The following BICDL1 variants were observed in gnomAD, a reference collection of about 807,000 sequenced individuals.
BICDL1 encodes the protein BICD family like cargo adaptor 1, also known as BICD family-like cargo adapter 1.
BICDL1 carries 20 observed loss-of-function variants against 76.8 expected under a neutral mutation model. The ratio of observed to expected loss-of-function variants is 0.26; its 90% CI spans 0.18 to 0.38. BICDL1 has a LOEUF of 0.38. Among genes scored for constraint, BICDL1 ranks in the 10% least tolerant of loss-of-function variants. BICDL1 has a pLI of 1.00. For synonymous variants in BICDL1, 383 were observed against 337.1 expected, an observed-to-expected ratio of 1.14 and a Z score of -1.49; for missense variants, 700 against 798.6, an observed-to-expected ratio of 0.88 and a Z score of 1.49.
chr12:120,071,916 AG>A lies in BICDL1; in HGVS notation c.1089+116del. ...AAGGCTGTGCCCCTGTGCCTGTGTC[AG>A]CCCCTTGGCCTGCTGGCTAGAGTGT... is the stretch of plus-strand genomic sequence containing the variant. On this transcript the variant is annotated intron_variant, in intron 5 of 9. Coordinates refer to ENST00000548673, the MANE Select transcript of BICDL1 (RefSeq NM_001367886.1). This position sits in a 1 kb window ranked among gnomAD's most constrained non-coding sequence, Gnocchi z 4.8. 7.1e-7 allele frequency: 1 copy of A among 1,415,156 alleles called. No individual in the cohort carries two copies. Among genetic ancestry groups the A allele is most frequent in the Non-Finnish European group, 9.2e-7 (1 of 1,086,634 alleles). 87.7% of individuals were successfully genotyped at this position (1,415,156 alleles called of 1,614,324 possible).
intron 2 of BICDL1, among the ~76,000 whole-genome samples, chr12:120,011,986 C>T (rs1056000469): frequency 6.6e-6 from 1 of 152,196 alleles, no homozygotes; most frequent in Non-Finnish European, 1.5e-5. Flanking sequence ...CTCTAAATGT[C>T]CACATGTACG....
rs987757739 is a variant in BICDL1 at position 120,093,290 on chromosome 12, C to T, written c.*129C>T. On this transcript the variant is annotated 3_prime_UTR_variant, in exon 10 of 10. Coordinates refer to ENST00000548673, the MANE Select transcript of BICDL1 (RefSeq NM_001367886.1). ...CCCTCATGCTAGGGCCCCATGGGTCCGGGAGGGCCTGCTCCCTTTCGTCGG... is the reference window on the plus strand; with the variant it reads ...CCCTCATGCTAGGGCCCCATGGGTCTGGGAGGGCCTGCTCCCTTTCGTCGG... 121 of 1,091,178 alleles carry T rather than the reference C, an allele frequency of 1.1e-4. 1 individual carries two copies. The East Asian group carries it at 1.3e-3, about 12-fold the overall frequency. 67.6% of individuals were successfully genotyped at this position (1,091,178 alleles called of 1,614,324 possible). A position where few individuals can be genotyped will look rare whatever the true frequency, so the allele number is the denominator to read the frequency against.
intron 2 of BICDL1, among the ~76,000 whole-genome samples, chr12:120,025,320 G>A (rs1952275334): frequency 6.6e-6 from 1 of 152,098 alleles, no homozygotes; most frequent in Non-Finnish European, 1.5e-5. Context: ...AAAGTGCTGG[G>A]ATTACAGGCG....
In BICDL1 at chr12:119,990,027, A is replaced by T. The variant is rs1951481491; in HGVS notation, c.159A>T (p.Glu53Asp). ...TCCCCGGGGGCTCCGGGGAGCTAGAACTGGCGTTAGAGGAGGAGCTGGCGC... is the reference window on the plus strand; with the variant it reads ...TCCCCGGGGGCTCCGGGGAGCTAGATCTGGCGTTAGAGGAGGAGCTGGCGC... Reference protein sequence around the residue: ...LIFPGGSGELELALEEELALL... With the variant: ...LIFPGGSGELDLALEEELALL... Residue 53 changes from glutamate to aspartate, a missense_variant, in exon 1 of 10, where the codon GAA becomes GAT. Physicochemically the swap from Glu to Asp is conservative, Grantham distance 45. Around this residue, in one of 3 missense-constraint regions of BICDL1, gnomAD observed 225 missense variants for 199.6 expected, o/e 1.13. Transcript: ENST00000548673. 2.0e-6 allele frequency: 3 copies of T among 1,516,956 alleles called. No individual in the cohort carries two copies. The highest frequency in any genetic ancestry group is 2.4e-5 in the Admixed American group (1 of 41,910). 94.0% of individuals were successfully genotyped at this position (1,516,956 alleles called of 1,614,324 possible).
chr12:120,003,187 G>A (rs10849733), intron 2 of BICDL1, among the ~76,000 whole-genome samples: 12,835 of 150,918 alleles, frequency 0.085, 663 homozygotes, highest in African/African-American at 0.14. Flanking sequence ...CAGTCGGTAG[G>A]GAAGGCTTCT....
chr12:120,044,718 G>T (rs12099760), intron 2 of BICDL1, among the ~76,000 whole-genome samples: 2 of 152,064 alleles, frequency 1.3e-5, no homozygotes, highest in Non-Finnish European at 2.9e-5. Flanking sequence ...GATAGTTGTA[G>T]ATATGCGGCG....
intron 2 of BICDL1, among the ~76,000 whole-genome samples, chr12:120,010,450 C>G (rs1396008070): frequency 2.0e-5 from 3 of 152,112 alleles, no homozygotes; most frequent in African/African-American, 7.2e-5. Context: ...TTTATCTGTT[C>G]TGTTTATTGA....
chr12:119,989,963 A>AG lies in BICDL1; in HGVS notation c.95_96insG (p.Asp32GlufsTer87). On this transcript the variant is annotated frameshift_variant, in exon 1 of 10. Transcript: ENST00000548673. LOFTEE classifies it high-confidence loss of function. ...ATGGAGCTGCCCGCCGCGGCCGGGGACGCAGTCCGGAGTCCCGCCGCCGCC... is the reference window on the plus strand; with the variant it reads ...ATGGAGCTGCCCGCCGCGGCCGGGGAGCGCAGTCCGGAGTCCCGCCGCCGCC... 6.8e-7 allele frequency: 1 copy of AG among 1,465,920 alleles called. No homozygotes were observed. The allele number at this position is 1,465,920 out of a possible 1,614,324, so 90.8% of individuals were successfully genotyped here.
intron 2 of BICDL1, chr12:120,057,030 C>A: frequency 2.0e-6 from 1 of 511,796 alleles, no homozygotes; most frequent in Non-Finnish European, 3.9e-6. Context: ...GGAATGGTAA[C>A]AGCAATGGAT....
At chr12:120,010,148 G>T (rs1282383675) in intron 2 of BICDL1, among the ~76,000 whole-genome samples, 1 of 152,240 alleles carries the variant, frequency 6.6e-6, no homozygotes, top group African/African-American at 2.4e-5. Context: ...GGAGACGCCA[G>T]CCTGCAGCCT....
chr12:120,088,338 C>T (rs960340681), intron 8 of BICDL1, among the ~76,000 whole-genome samples: 1 of 152,036 alleles, frequency 6.6e-6, no homozygotes, highest in Non-Finnish European at 1.5e-5. Flanking sequence ...AATATTCTAC[C>T]TCATGGTTTT....
chr12:120,088,308 T>C lies in BICDL1; in HGVS notation c.1584-1643T>C, dbSNP rs150823561. 3.1e-3 allele frequency among the ~76,000 whole-genome samples: 475 copies of C among 152,334 alleles called. 1 individual carries two copies. The highest frequency in any genetic ancestry group is 9.7e-3 in the African/African-American group (405 of 41,570). On this transcript the variant is annotated intron_variant, in intron 8 of 9. Coordinates refer to ENST00000548673, the MANE Select transcript of BICDL1 (RefSeq NM_001367886.1). ...TTCTGGTGCTTTTTCCACTCAGCAATATGTTATGAACTGTCAATAAATATT... is the reference window on the plus strand; with the variant it reads ...TTCTGGTGCTTTTTCCACTCAGCAACATGTTATGAACTGTCAATAAATATT...
At chr12:120,007,018 T>C (rs1193301001) in intron 2 of BICDL1, among the ~76,000 whole-genome samples, 2 of 152,094 alleles carry the variant, frequency 1.3e-5, no homozygotes, top group Non-Finnish European at 2.9e-5. Context: ...GTTGGATATA[T>C]GTTTTGAAGG....
At chr12:120,060,194 C>A (rs1953074147) in intron 2 of BICDL1, among the ~76,000 whole-genome samples, 1 of 152,158 alleles carries the variant, frequency 6.6e-6, no homozygotes, top group Admixed American at 6.5e-5. Context: ...GATTCTTAGG[C>A]AAAAGTGAAT....
chr12:120,036,290 G>A (rs1271138686), intron 2 of BICDL1, among the ~76,000 whole-genome samples: 1 of 152,188 alleles, frequency 6.6e-6, no homozygotes, highest in Non-Finnish European at 1.5e-5. Context: ...GGATCAGAAG[G>A]TGTAACCATG....
intron 2 of BICDL1, among the ~76,000 whole-genome samples, chr12:120,003,328 G>A (rs1951794953): frequency 6.6e-6 from 1 of 152,138 alleles, no homozygotes; most frequent in African/African-American, 2.4e-5. Flanking sequence ...TATCTGTCTT[G>A]TTTATTGTTG....
In BICDL1 at chr12:119,996,683, C is replaced by CAG. The variant is rs1268948378; in HGVS notation, c.430-1837_430-1836insGA. ...CCCAGTATATATACATATACAGATA[C>CAG]ACACACACACACACACACACGCATA... On this transcript the variant is annotated intron_variant, in intron 1 of 9. Transcript: ENST00000548673. 5.8e-5 allele frequency among the ~76,000 whole-genome samples: 4 copies of CAG among 69,268 alleles called. No individual in the cohort carries two copies. The African/African-American group carries it at 8.1e-4, about 14-fold the overall frequency. 45.4% of individuals were successfully genotyped at this position (69,268 alleles called of 152,430 possible). A position where few individuals can be genotyped will look rare whatever the true frequency, so the allele number is the denominator to read the frequency against.
chr12:120,076,255 T>C (rs1328298092), intron 7 of BICDL1, among the ~76,000 whole-genome samples: 4 of 152,176 alleles, frequency 2.6e-5, no homozygotes, highest in Admixed American at 1.3e-4. Context: ...CAGCGGGTAA[T>C]TTGGCCAGAG....
chr12:120,008,675 G>A (rs1194477988), intron 2 of BICDL1, among the ~76,000 whole-genome samples: 1 of 152,134 alleles, frequency 6.6e-6, no homozygotes, highest in South Asian at 2.1e-4. Flanking sequence ...TTGCTGGGTG[G>A]TATTGTTTTG....
Sources: allele counts gnomAD v4.1 joint callset (sites outside exome capture counted in the v4.1 genomes callset), GRCh38; gene constraint gnomAD v4.1.1; regional missense constraint gnomAD v4.1.1; non-coding constraint Gnocchi (gnomAD v3.1); transcripts MANE v1.5; gene names NCBI Gene and HGNC (gene_info 2026-07-23, HGNC 2026-07-21).